Variants in FBLN5 observed in about 807,000 individuals in gnomAD.
FBLN5 encodes fibulin-5.
In FBLN5, 24 loss-of-function variants were observed where a neutral mutation model predicts 61.6. That is an observed-to-expected ratio of 0.39 (90% CI 0.28 to 0.55). FBLN5 has a LOEUF of 0.55. Ranked by LOEUF, FBLN5 falls within the 20% of genes least tolerant of loss-of-function variation. The pLI is 0.65. For missense variants in FBLN5, 470 were observed against 594.1 expected, an observed-to-expected ratio of 0.79 and a Z score of 2.17; for synonymous variants, 213 against 219.8, an observed-to-expected ratio of 0.97 and a Z score of 0.27.
In FBLN5 at chr14:91,936,895, C is replaced by T. The variant is rs1354317110; in HGVS notation, c.379+52G>A. On this transcript the variant is annotated intron_variant, in intron 4 of 10. Coordinates refer to ENST00000342058, the MANE Select transcript of FBLN5 (RefSeq NM_006329.4). Reference sequence around the variant, plus strand: ...TTGTGGTGAGCATGCCAGATACAGACGATGTCTTCACCAAAGCACAGCGGA... The same window carrying T: ...TTGTGGTGAGCATGCCAGATACAGATGATGTCTTCACCAAAGCACAGCGGA... The T allele has an allele frequency of 1.4e-5, 23 of 1,611,334 alleles. No homozygotes were observed. In the South Asian group the frequency reaches 1.8e-4, roughly 12 times the overall value.
intron 3 of FBLN5, among the ~76,000 whole-genome samples, chr14:91,938,913 G>T (rs919099148): frequency 1.3e-5 from 2 of 152,074 alleles, no homozygotes; most frequent in Admixed American, 1.3e-4. Flanking sequence ...TGAAATGGGG[G>T]GCCAGAAAAG....
chr14:91,891,070 G>A (rs112148572), intron 6 of FBLN5, 151 bp downstream of exon 6: 21 of 704,370 alleles, frequency 3.0e-5, no homozygotes, highest in African/African-American at 5.2e-5. Context: ...CAGGTCTCAC[G>A]TTTCTGTAGT....
intron 7 of FBLN5, among the ~76,000 whole-genome samples, chr14:91,884,670 G>A (rs980906189): frequency 4.6e-5 from 7 of 152,218 alleles, no homozygotes; most frequent in African/African-American, 1.7e-4. Context: ...TTAGAAACAC[G>A]ACACTGTAAC....
At chr14:91,944,533 A>G (rs2056154688) in intron 1 of FBLN5, among the ~76,000 whole-genome samples, 1 of 152,270 alleles carries the variant, frequency 6.6e-6, no homozygotes, top group Non-Finnish European at 1.5e-5. Context: ...TATTCACAAT[A>G]GCCTAAAGGT....
At position 91,909,163 on chromosome 14, in the gene FBLN5, T is replaced by C. The variant is rs576574394; in HGVS notation, c.380-14091A>G. ...CAATCTCCTGACCTCGTGATCCGCCTGCCTCGGCCTCCCAAAGTGCTGGGA... is the reference window on the plus strand; with the variant it reads ...CAATCTCCTGACCTCGTGATCCGCCCGCCTCGGCCTCCCAAAGTGCTGGGA... On this transcript the variant is annotated intron_variant, in intron 4 of 10. Transcript: ENST00000342058. Among the ~76,000 whole-genome samples the C allele has an allele frequency of 3.3e-3, 506 of 152,124 alleles. 4 individuals carry two copies. The highest frequency in any genetic ancestry group is 5.7e-3 in the Non-Finnish European group (389 of 68,006).
rs529834011 is a variant in FBLN5 at position 91,890,621 on chromosome 14, G to C, written c.619+600C>G. Among the ~76,000 whole-genome samples the C allele has an allele frequency of 8.5e-4, 129 of 152,342 alleles. 4 individuals are homozygous for C. In the South Asian group the frequency reaches 0.027, roughly 32 times the overall value. On this transcript the variant is annotated intron_variant, in intron 6 of 10. Coordinates refer to ENST00000342058, the MANE Select transcript of FBLN5 (RefSeq NM_006329.4). ...TTTCTTACTTATCAGTATTTCAAAT[G>C]ATCATGTGAAAACCACAAAATGCCT...
chr14:91,887,109 A>G, intron 7 of FBLN5, 84 bp downstream of exon 7: 1 of 1,458,980 alleles, frequency 6.9e-7, no homozygotes, highest in Non-Finnish European at 9.6e-7. Context: ...ATGAGAGGAA[A>G]CACCTATGAA....
At chr14:91,907,407 G>A (rs542345098) in intron 4 of FBLN5, among the ~76,000 whole-genome samples, 2 of 152,254 alleles carry the variant, frequency 1.3e-5, no homozygotes, top group Admixed American at 6.5e-5. Context: ...CTAAACCAGC[G>A]TTTTCAAGGT....
chr14:91,924,707 G>C (rs2140028818), intron 4 of FBLN5, among the ~76,000 whole-genome samples: 1 of 152,242 alleles, frequency 6.6e-6, no homozygotes, highest in South Asian at 2.1e-4. Flanking sequence ...AAGCTCTGTT[G>C]GGTGGAGAGA....
chr14:91,945,572 C>T, intron 1 of FBLN5, among the ~76,000 whole-genome samples: 1 of 152,176 alleles, frequency 6.6e-6, no homozygotes, highest in Non-Finnish European at 1.5e-5. Flanking sequence ...TTACTACAAA[C>T]GTGCACCACA....
chr14:91,895,209 C>T (rs1409294221), intron 4 of FBLN5, 137 bp from the exon 5 acceptor site: 1 of 984,274 alleles, frequency 1.0e-6, no homozygotes, highest in Non-Finnish European at 1.6e-6. Flanking sequence ...GGTGGCAGTG[C>T]TTCCCCGATG....
At chr14:91,946,170 A>C (rs1465358437) in intron 1 of FBLN5, among the ~76,000 whole-genome samples, 1 of 151,752 alleles carries the variant, frequency 6.6e-6, no homozygotes, top group East Asian at 1.9e-4. Flanking sequence ...TGGAAGAGCC[A>C]CAGCTGAGTC....
intron 5 of FBLN5, among the ~76,000 whole-genome samples, chr14:91,893,326 T>C (rs1890075385): frequency 6.6e-6 from 1 of 152,210 alleles, no homozygotes; most frequent in South Asian, 2.1e-4. Flanking sequence ...GCATCAAATT[T>C]TCCATTATAG....
Position 91,926,602 on chromosome 14 carries a change from C to T in FBLN5, c.379+10345G>A, listed in dbSNP as rs189338829. Among the ~76,000 whole-genome samples the T allele has an allele frequency of 4.9e-3, 751 of 152,236 alleles. 6 individuals are homozygous for T. Among genetic ancestry groups the T allele is most frequent in the African/African-American group, 0.017 (700 of 41,518 alleles). On this transcript the variant is annotated intron_variant, in intron 4 of 10. Transcript: ENST00000342058. ...GACATGATCACGAATTGAAAGAGGT[C>T]CCTCTTCTTCTCCCTCCCCAACTAA...
At chr14:91,919,030 G>A (rs1202962188) in intron 4 of FBLN5, among the ~76,000 whole-genome samples, 1 of 152,018 alleles carries the variant, frequency 6.6e-6, no homozygotes, top group Non-Finnish European at 1.5e-5. Flanking sequence ...GGTCATTAAG[G>A]ATAAGAAAAA....
chr14:91,894,357 C>A (rs112924179), intron 5 of FBLN5, among the ~76,000 whole-genome samples: 4 of 129,840 alleles, frequency 3.1e-5, no homozygotes, highest in Non-Finnish European at 6.2e-5. Flanking sequence ...GAGTCAAGAT[C>A]GTGCCACTGC....
rs192665710 is a variant in FBLN5 at position 91,908,492 on chromosome 14, G to A, written c.380-13420C>T. ...AGTCAGCATGAATGAGTCAGGATAC[G>A]AACTCAAGGCCGCCTATTTGAGCCC... On this transcript the variant is annotated intron_variant, in intron 4 of 10. Transcript: ENST00000342058. Among the ~76,000 whole-genome samples the A allele has an allele frequency of 3.6e-4, 55 of 152,298 alleles. 1 individual carries two copies. The East Asian group carries it at 8.1e-3, about 22-fold the overall frequency.
At chr14:91,903,671 C>G (rs989820504) in intron 4 of FBLN5, among the ~76,000 whole-genome samples, 1 of 152,152 alleles carries the variant, frequency 6.6e-6, no homozygotes, top group Non-Finnish European at 1.5e-5. Flanking sequence ...ATTCCCAGAG[C>G]CCTGTCTCGG....
At chr14:91,898,111 G>C (rs931537263) in intron 4 of FBLN5, among the ~76,000 whole-genome samples, 3 of 152,086 alleles carry the variant, frequency 2.0e-5, no homozygotes, top group Admixed American at 6.6e-5. Flanking sequence ...TTAAAATACA[G>C]ATTTTAAAAT....
Sources: allele counts gnomAD v4.1 joint callset (sites outside exome capture counted in the v4.1 genomes callset), GRCh38; gene constraint gnomAD v4.1.1; transcripts MANE v1.5; gene names NCBI Gene and HGNC (gene_info 2026-07-23, HGNC 2026-07-21).